Variants in PIF1 observed in about 807,000 individuals in gnomAD.
PIF1 encodes ATP-dependent DNA helicase PIF1.
In PIF1, 67 loss-of-function variants were observed where a neutral mutation model predicts 62.3. The observed-to-expected ratio is 1.08, with a 90% confidence interval of 0.88 to 1.32. The LOEUF (loss-of-function observed/expected upper bound fraction) is 1.32. PIF1 is among the 40% of genes most tolerant of loss of function. PIF1 has a pLI of 0.00. For missense variants in PIF1, 886 were observed against 866.1 expected, an observed-to-expected ratio of 1.02 and a Z score of -0.29; for synonymous variants, 364 against 379.5, an observed-to-expected ratio of 0.96 and a Z score of 0.47.
chr15:64,815,640 C>G lies in PIF1; in HGVS notation c.*658G>C. 6 of 1,507,506 alleles carry G rather than the reference C, an allele frequency of 4.0e-6. No homozygotes were observed. The highest frequency in any genetic ancestry group is 5.3e-6 in the Non-Finnish European group (6 of 1,122,870). 93.4% of individuals were successfully genotyped at this position (1,507,506 alleles called of 1,614,324 possible). A position where few individuals can be genotyped will look rare whatever the true frequency, so the allele number is the denominator to read the frequency against. On this transcript the variant is annotated 3_prime_UTR_variant, in exon 13 of 13. Transcript: ENST00000559239. ...GGAGGCAGGAGGCACAGTTTTTACA[C>G]AATTCTCTAGTTTATTTGTCCGAAA...
At chr15:64,826,780 G>A (rs1354363775), upstream of PIF1, among the ~76,000 whole-genome samples, 2 of 144,746 alleles carry the variant, frequency 1.4e-5, no homozygotes, top group Non-Finnish European at 3.0e-5. Context: ...TCGTATAGAC[G>A]GGATGTCACC....
chr15:64,821,157 T>C lies in PIF1; in HGVS notation c.1086+10A>G. 1 of 1,613,182 alleles carries C rather than the reference T, an allele frequency of 6.2e-7. No homozygotes were observed. The highest frequency in any genetic ancestry group is 2.2e-5 in the East Asian group (1 of 44,854). On this transcript the variant is annotated intron_variant, in intron 6 of 12. Coordinates refer to ENST00000559239, the MANE Select transcript of PIF1 (RefSeq NM_001286496.2). The stretch of plus-strand genomic sequence containing the variant: ...CCCCAAGGAGAGCAGAGCTAGGAGG[T>C]GAGTAATACCTGGAAGCAGAACCGT...
chr15:64,816,472 C>T (rs1407651503), intron 12 of PIF1, 102 bp downstream of exon 12: 1 of 1,592,514 alleles, frequency 6.3e-7, no homozygotes, highest in Admixed American at 1.7e-5. Flanking sequence ...CAGCAGAGGG[C>T]TTTTCTGCCC....
intron 2 of PIF1, among the ~76,000 whole-genome samples, chr15:64,822,882 C>A (rs1003203487): frequency 7.2e-5 from 11 of 152,124 alleles, no homozygotes; most frequent in Admixed American, 5.2e-4. Flanking sequence ...GGTTCCCTAA[C>A]CCTTCTCATC....
chr15:64,820,992 T>C lies in PIF1; in HGVS notation c.1183A>G (p.Arg395Gly), dbSNP rs377640373. 6.2e-7 allele frequency: 1 copy of C among 1,613,830 alleles called. No individual in the cohort carries two copies. The highest frequency in any genetic ancestry group is 1.3e-5 in the African/African-American group (1 of 74,908). ...QTFISLLQAVRLGRCSDEVTR... is the reference protein window; with the variant it reads ...QTFISLLQAVGLGRCSDEVTR... The stretch of plus-strand genomic sequence containing the variant: ...ACCAGCAGAGCTCACCTGCCTAGCC[T>C]CACGGCCTGCAGTAGAGAGATGAAG... Residue 395 changes from arginine (R) to glycine (G), a missense_variant, in exon 7 of 13, where the codon AGG becomes GGG. Coordinates refer to ENST00000559239, the MANE Select transcript of PIF1 (RefSeq NM_001286496.2).
chr15:64,825,744 A>C (rs2084359398), upstream of PIF1: 1 of 152,196 alleles, frequency 6.6e-6, no homozygotes, highest in Admixed American at 6.6e-5. Context: ...GGGCGTAACA[A>C]TGGGCGTGTC....
intron 7 of PIF1, among the ~76,000 whole-genome samples, 186 bp downstream of exon 7, chr15:64,820,796 A>G (rs139602885): frequency 9.9e-4 from 151 of 152,306 alleles, no homozygotes; most frequent in Middle Eastern, 3.4e-3. Context: ...CTATGGTGCC[A>G]TGATGGTCTT....
In PIF1 at chr15:64,824,355, C is replaced by T. The variant is rs2084337852; in HGVS notation, c.-19-1G>A. ...GAGCATCGTCACCGCCTCTGCTGGT[C>T]TGCGAAGACACCGGAGCACAGGGGT... On this transcript the variant is annotated splice_acceptor_variant, in intron 1 of 12. Transcript: ENST00000559239. LOFTEE classifies it low-confidence loss of function (5UTR_SPLICE). 8.0e-7 allele frequency: 1 copy of T among 1,244,562 alleles called. No homozygotes were observed. Among genetic ancestry groups the T allele is most frequent in the Admixed American group, 4.2e-5 (1 of 24,090 alleles). 77.1% of individuals were successfully genotyped at this position (1,244,562 alleles called of 1,614,324 possible).
At chr15:64,818,385 CA>C (rs771091750) in intron 9 of PIF1, 41 bp from the exon 10 acceptor site, 1 of 1,593,888 alleles carries the variant, frequency 6.3e-7, no homozygotes, top group Non-Finnish European at 8.6e-7. Context: ...CCCCCCTACC[CA>C]TGCCTGGTCT....
rs2084276739 is a variant in PIF1 at position 64,820,989 on chromosome 15, G to A, written c.1186C>T (p.Leu396=). 1 of 1,613,716 alleles carries A rather than the reference G, an allele frequency of 6.2e-7. No individual in the cohort carries two copies. Among genetic ancestry groups the A allele is most frequent in the African/African-American group, 1.3e-5 (1 of 74,904 alleles). Residue 396 remains leucine (L), a synonymous_variant, in exon 7 of 13, where the codon CTA becomes TTA. Transcript: ENST00000559239. ...CCAACCAGCAGAGCTCACCTGCCTA[G>A]CCTCACGGCCTGCAGTAGAGAGATG... is the stretch of plus-strand genomic sequence containing the variant. ...TFISLLQAVR[L]GRCSDEVTRQ... is the part of the protein sequence containing the mutation.
At chr15:64,816,987 C>T (rs901349628) in intron 11 of PIF1, among the ~76,000 whole-genome samples, 1 of 152,192 alleles carries the variant, frequency 6.6e-6, no homozygotes, top group Non-Finnish European at 1.5e-5. Context: ...AAGGAAAGCA[C>T]TCAGGCTCTG....
chr15:64,820,118 C>A, intron 7 of PIF1, 132 bp from the exon 8 acceptor site: 2 of 1,181,222 alleles, frequency 1.7e-6, no homozygotes, highest in Admixed American at 4.7e-5. Context: ...GGAAGAGTTG[C>A]TGCCCCCTCA....
upstream of PIF1, among the ~76,000 whole-genome samples, chr15:64,826,661 T>TAA (rs1193183451): frequency 3.8e-5 from 1 of 26,592 alleles, no homozygotes; most frequent in Non-Finnish European, 9.4e-5. Context: ...TATATATATA[T>TAA]ATATACACAC....
At position 64,815,971 on chromosome 15, in the gene PIF1, C is replaced by A; in HGVS notation, c.*327G>T. On this transcript the variant is annotated 3_prime_UTR_variant, in exon 13 of 13. Transcript: ENST00000559239. ...AGCCTGAAAGGAGGGATGTTCAGGACTCTGCAGCTCTGTGTCCAGCCCTTG... is the reference window on the plus strand; with the variant it reads ...AGCCTGAAAGGAGGGATGTTCAGGAATCTGCAGCTCTGTGTCCAGCCCTTG... The A allele has an allele frequency of 6.5e-7, 1 of 1,536,396 alleles. No homozygotes were observed. Among genetic ancestry groups the A allele is most frequent in the Non-Finnish European group, 8.8e-7 (1 of 1,139,364 alleles).
At chr15:64,823,734 T>C in intron 2 of PIF1, 44 bp downstream of exon 2, 2 of 1,270,694 alleles carry the variant, frequency 1.6e-6, no homozygotes, top group South Asian at 3.6e-5. Flanking sequence ...TCTTAAAGAA[T>C]GGCACATCTA....
In PIF1 at chr15:64,815,830, C is replaced by T; in HGVS notation, c.*468G>A. ...TAGGCTGGGCCTAGCTGTAGAGACA[C>T]ACCTAAGTTCCGTTCTCTGTTTGGA... is the stretch of plus-strand genomic sequence containing the variant. On this transcript the variant is annotated 3_prime_UTR_variant, in exon 13 of 13. Transcript: ENST00000559239. 4 of 1,550,648 alleles carry T rather than the reference C, an allele frequency of 2.6e-6. No individual in the cohort carries two copies. Among genetic ancestry groups the T allele is most frequent in the Non-Finnish European group, 3.5e-6 (4 of 1,147,002 alleles).
chr15:64,824,039 G>A lies in PIF1; in HGVS notation c.297C>T (p.Gly99=), dbSNP rs773636413. 5 of 1,270,600 alleles carry A rather than the reference G, an allele frequency of 3.9e-6. No individual in the cohort carries two copies. Among genetic ancestry groups the A allele is most frequent in the Non-Finnish European group, 5.0e-6 (5 of 1,009,644 alleles). 78.7% of individuals were successfully genotyped at this position (1,270,600 alleles called of 1,614,324 possible). A position where few individuals can be genotyped will look rare whatever the true frequency, so the allele number is the denominator to read the frequency against. ...AGTCCGAGAGCAGCAGCTGCACTGC[G>A]CCGGCCCCGGGGGTGTCGTGGGCGG... The part of the protein sequence containing the change: ...RLPAHDTPGA[G]AVQLLLSDCP... The change falls in exon 2 of 13, where the codon GGC becomes GGT. Residue 99 remains glycine (G), a synonymous_variant. Transcript: ENST00000559239.
chr15:64,823,926 G>A lies in PIF1; in HGVS notation c.410C>T (p.Ala137Val). The A allele has an allele frequency of 7.5e-7, 1 of 1,327,234 alleles. No individual in the cohort carries two copies. The highest frequency in any genetic ancestry group is 9.7e-7 in the Non-Finnish European group (1 of 1,032,348). The allele number at this position is 1,327,234 out of a possible 1,614,324, so 82.2% of individuals were successfully genotyped here. Residue 137 changes from alanine (A) to valine (V), a missense_variant, in exon 2 of 13, where the codon GCG becomes GTG. Physicochemically the swap from Ala to Val is moderately conservative, Grantham distance 64. Coordinates refer to ENST00000559239, the MANE Select transcript of PIF1 (RefSeq NM_001286496.2). ...APGPGPASAR[A>V]QLLGPRPRDF... Reference sequence around the variant, plus strand: ...GCGGGGCCGCGGGCCCAGCAGCTGCGCTCGGGCGGAGGCCGGCCCGGGACC... The same window carrying A: ...GCGGGGCCGCGGGCCCAGCAGCTGCACTCGGGCGGAGGCCGGCCCGGGACC...
chr15:64,826,624 T>TTATATATATATATATATATATATATA (rs764170884), upstream of PIF1, among the ~76,000 whole-genome samples: 1 of 36,052 alleles, frequency 2.8e-5, no homozygotes, highest in Admixed American at 3.0e-4. Flanking sequence ...CCCAGCTAAT[T>TTATATATATATATATATATATATATA]TATATATATA....
Sources: gnomAD v4.1 joint callset for allele counts (sites outside exome capture counted in the v4.1 genomes callset) on GRCh38, gnomAD v4.1.1 for gene constraint, MANE v1.5 for transcripts, NCBI Gene and HGNC (gene_info 2026-07-23, HGNC 2026-07-21) for gene names.